PLCXD2: variants seen among roughly 807,000 people sequenced by gnomAD.
PLCXD2 encodes phosphatidylinositol specific phospholipase C X domain containing 2.
In PLCXD2, 21 loss-of-function variants were observed where a neutral mutation model predicts 28.6. The observed-to-expected ratio is 0.73, with a 90% CI of 0.52 to 1.06. The LOEUF is 1.06. PLCXD2 is among the 50% of genes least tolerant of loss of function. PLCXD2 has a pLI of 0.00. For missense variants in PLCXD2, 369 were observed against 376.7 expected, an observed-to-expected ratio of 0.98 and a Z score of 0.17; for synonymous variants, 140 against 150.1, an observed-to-expected ratio of 0.93 and a Z score of 0.49.
In PLCXD2 at chr3:111,675,175, A is replaced by AGG. The variant is rs1489481268; in HGVS notation, c.-70_-69insGG. 1 of 1,539,834 alleles carries AGG rather than the reference A, an allele frequency of 6.5e-7. No individual in the cohort carries two copies. The highest frequency in any genetic ancestry group is 2.3e-5 in the East Asian group (1 of 43,640). ...GCAAGCGTCGCCCTGAAACGTCCAC[A>AGG]GAGCCCAAGAAGTGATGATCACTGA... On this transcript the variant is annotated 5_prime_UTR_variant, in exon 1 of 5. Coordinates refer to ENST00000477665, the MANE Select transcript of PLCXD2 (RefSeq NM_001185106.1).
chr3:111,691,484 A>G (rs1940875898), intron 1 of PLCXD2: 2 of 152,212 alleles, frequency 1.3e-5, no homozygotes, highest in Admixed American at 6.5e-5. Context: ...CAACTGAGAG[A>G]AGGTTAGAGT....
Position 111,714,117 on chromosome 3 carries a change from G to T in PLCXD2, c.855G>T (p.Thr285=), listed in dbSNP as rs368732888. 1 of 1,613,802 alleles carries T rather than the reference G, an allele frequency of 6.2e-7. No individual in the cohort carries two copies. The highest frequency in any genetic ancestry group is 1.7e-5 in the Admixed American group (1 of 59,986). Residue 285 remains threonine, a synonymous_variant, in exon 3 of 5, where the codon ACG becomes ACT. Coordinates refer to ENST00000477665, the MANE Select transcript of PLCXD2 (RefSeq NM_001185106.1). The stretch of plus-strand genomic sequence containing the variant: ...GCTTGGTTGGGGGCCTCAAGAACAC[G>T]CTGGTTCATAGGTAAGAATTTGCTT...
chr3:111,694,709 G>A (rs1940936815), intron 1 of PLCXD2, among the ~76,000 whole-genome samples: 1 of 152,196 alleles, frequency 6.6e-6, no homozygotes, highest in South Asian at 2.1e-4. Context: ...AAGTGAGCTG[G>A]TGACAGCCTC....
intron 1 of PLCXD2, among the ~76,000 whole-genome samples, chr3:111,692,198 C>A (rs562936264): frequency 3.9e-5 from 6 of 152,266 alleles, no homozygotes; most frequent in Admixed American, 1.3e-4. Flanking sequence ...CCCACCACCA[C>A]GCCCGGCTAA....
intron 2 of PLCXD2, among the ~76,000 whole-genome samples, chr3:111,713,595 T>C (rs1035040439): frequency 2.6e-5 from 4 of 152,226 alleles, no homozygotes; most frequent in South Asian, 2.1e-4. Context: ...TGTAATCCTG[T>C]ATATTGTATG....
chr3:111,722,090 A>C (rs1343445574), intron 3 of PLCXD2: 1 of 152,124 alleles, frequency 6.6e-6, no homozygotes, highest in Non-Finnish European at 1.5e-5. Flanking sequence ...TGAGCCTACC[A>C]ATCACTACTG....
At chr3:111,692,687 T>TG (rs2107848121) in intron 1 of PLCXD2, among the ~76,000 whole-genome samples, 1 of 152,274 alleles carries the variant, frequency 6.6e-6, no homozygotes, top group Non-Finnish European at 1.5e-5. Context: ...ACAACAGAGG[T>TG]GAAAAACAAT....
At chr3:111,704,817 ATT>A (rs34775570) in intron 1 of PLCXD2, among the ~76,000 whole-genome samples, 19 of 144,724 alleles carry the variant, frequency 1.3e-4, no homozygotes, top group Non-Finnish European at 2.1e-4. Flanking sequence ...ATCTAGCATA[ATT>A]TTTTTTTTTT....
At chr3:111,721,914 T>G (rs1170262359) in intron 3 of PLCXD2, 1 of 152,214 alleles carries the variant, frequency 6.6e-6, no homozygotes, top group African/African-American at 2.4e-5. Context: ...TGCAATGGCA[T>G]TAAAGGAGGA....
chr3:111,682,031 T>A (rs577874671), intron 1 of PLCXD2, among the ~76,000 whole-genome samples: 2 of 152,318 alleles, frequency 1.3e-5, no homozygotes, highest in East Asian at 1.9e-4. Context: ...GACATTGTAA[T>A]AGGTGGGTGT....
Position 111,708,088 on chromosome 3 carries a change from G to C in PLCXD2, c.326G>C (p.Gly109Ala). Reference sequence around the variant, plus strand: ...ACATTTCGAGAACAGCTGGAAGCTGGGATCCGCTACTTTGACCTGCGTGTG... The same window carrying C: ...ACATTTCGAGAACAGCTGGAAGCTGCGATCCGCTACTTTGACCTGCGTGTG... The change falls in exon 2 of 5, where the codon GGG becomes GCG. Residue 109 changes from glycine (G) to alanine (A), a missense_variant. Physicochemically the swap from Gly to Ala is moderately conservative, Grantham distance 60. Coordinates refer to ENST00000477665, the MANE Select transcript of PLCXD2 (RefSeq NM_001185106.1). 1.2e-6 allele frequency: 2 copies of C among 1,614,214 alleles called. No individual in the cohort carries two copies. Among genetic ancestry groups the C allele is most frequent in the Non-Finnish European group, 1.7e-6 (2 of 1,180,042 alleles).
At chr3:111,724,440 T>C (rs1941388227) in intron 3 of PLCXD2, 1 of 152,080 alleles carries the variant, frequency 6.6e-6, no homozygotes, top group Admixed American at 6.5e-5. Context: ...CTCATATTCA[T>C]CCAAAAAAAT....
At chr3:111,704,951 C>A (rs1941096678) in intron 1 of PLCXD2, among the ~76,000 whole-genome samples, 1 of 151,790 alleles carries the variant, frequency 6.6e-6, no homozygotes, top group Non-Finnish European at 1.5e-5. Context: ...TAGCTGGGAC[C>A]ACAGGCATGC....
Position 111,713,995 on chromosome 3 carries a change from C to T in PLCXD2, c.733C>T (p.Leu245Phe). 1.2e-6 allele frequency: 2 copies of T among 1,614,142 alleles called. No individual in the cohort carries two copies. Among genetic ancestry groups the T allele is most frequent in the South Asian group, 1.1e-5 (1 of 91,070 alleles). ...CACCACAAGTGTGCGCAAACTAATC[C>T]TCTTCTTGGAGACCACTCTGAGTGA... Residue 245 changes from leucine to phenylalanine, a missense_variant, in exon 3 of 5, where the codon CTC becomes TTC. Leu to Phe is a conservative substitution (Grantham distance 22). Coordinates refer to ENST00000477665, the MANE Select transcript of PLCXD2 (RefSeq NM_001185106.1).
At chr3:111,725,874 T>A (rs906010693) in intron 3 of PLCXD2, 2 of 398,634 alleles carry the variant, frequency 5.0e-6, no homozygotes, top group South Asian at 1.3e-4. Context: ...CTTTTTCCTT[T>A]TGTCTCCTGG....
chr3:111,706,791 CA>C (rs1249866829), intron 1 of PLCXD2, among the ~76,000 whole-genome samples: 2 of 138,726 alleles, frequency 1.4e-5, no homozygotes, highest in Non-Finnish European at 3.0e-5. Flanking sequence ...ATACTTATAT[CA>C]GACAAAATAG....
chr3:111,711,700 C>T (rs1385363665), intron 2 of PLCXD2, among the ~76,000 whole-genome samples: 1 of 152,088 alleles, frequency 6.6e-6, no homozygotes, highest in African/African-American at 2.4e-5. Context: ...GAGATTTAAT[C>T]TACATCTTGG....
chr3:111,712,426 T>G (rs1176375007), intron 2 of PLCXD2, among the ~76,000 whole-genome samples: 1 of 151,942 alleles, frequency 6.6e-6, no homozygotes, highest in Admixed American at 6.5e-5. Context: ...ACCTGGCCAA[T>G]TACACCTCTA....
chr3:111,721,023 C>T, intron 3 of PLCXD2: 1 of 396,680 alleles, frequency 2.5e-6, no homozygotes, highest in African/African-American at 2.1e-5. Context: ...CTCACAGGGC[C>T]ATTTAGATAA....
Sources: allele counts gnomAD v4.1 joint callset (sites outside exome capture counted in the v4.1 genomes callset), GRCh38; gene constraint gnomAD v4.1.1; transcripts MANE v1.5; gene names NCBI Gene and HGNC (gene_info 2026-07-23, HGNC 2026-07-21).